The following NFIC variants were observed in gnomAD, a reference collection of about 807,000 sequenced individuals.
The protein encoded by NFIC is nuclear factor 1 C-type.
Under a neutral mutation model 54.4 loss-of-function variants are expected in NFIC, and 12 were observed. That is an observed-to-expected ratio of 0.22 (90% CI 0.14 to 0.36). The LOEUF (loss-of-function observed/expected upper bound fraction) is 0.36, where lower values mean the gene tolerates loss of function less well. NFIC is among the 10% of genes least tolerant of loss of function. The pLI, the probability that NFIC is intolerant of heterozygous loss-of-function variation, is 1.00. For synonymous variants in NFIC, 322 were observed against 319.2 expected, an observed-to-expected ratio of 1.01 and a Z score of -0.09; for missense variants, 575 against 718.2, an observed-to-expected ratio of 0.80 and a Z score of 2.28.
At position 3,469,072 on chromosome 19, in the gene NFIC, A is replaced by G. The variant is rs2082754216; in HGVS notation, c.*6303A>G. 6.6e-6 allele frequency: 1 copy of G among 151,614 alleles called. No individual in the cohort carries two copies. Among genetic ancestry groups the G allele is most frequent in the Admixed American group, 6.6e-5 (1 of 15,158 alleles). The allele number at this position is 151,614 out of a possible 1,614,324, so 9.4% of individuals were successfully genotyped here. ...TTTACAGAAAGTGACTCTGGCTGTC[A>G]TTATTTTGTTTATTTGTTCCCTATG... is the stretch of plus-strand genomic sequence containing the variant. On this transcript the variant is annotated 3_prime_UTR_variant, in exon 11 of 11. Coordinates refer to ENST00000443272, the MANE Select transcript of NFIC (RefSeq NM_001245002.2).
At chr19:3,440,700 T>C (rs1172906732) in intron 6 of NFIC, among the ~76,000 whole-genome samples, 1 of 151,496 alleles carries the variant, frequency 6.6e-6, no homozygotes, top group African/African-American at 2.4e-5. Flanking sequence ...TTTGTGTTTT[T>C]AGTAATGATG....
Position 3,463,231 on chromosome 19 carries a change from G to A in NFIC, c.*462G>A. 1.0e-6 allele frequency: 1 copy of A among 994,478 alleles called. No homozygotes were observed. The highest frequency in any genetic ancestry group is 1.2e-6 in the Non-Finnish European group (1 of 836,450). The allele number at this position is 994,478 out of a possible 1,614,324, so 61.6% of individuals were successfully genotyped here. A position where few individuals can be genotyped will look rare whatever the true frequency, so the allele number is the denominator to read the frequency against. On this transcript the variant is annotated 3_prime_UTR_variant, in exon 11 of 11. Transcript: ENST00000443272. ...AGCACAGCCTGGAGCCTGTGCCCAGGGCCGACAGGCGCGACACCCAGCAAG... is the reference window on the plus strand; with the variant it reads ...AGCACAGCCTGGAGCCTGTGCCCAGAGCCGACAGGCGCGACACCCAGCAAG...
chr19:3,366,743 A>C (rs2080894344), intron 1 of NFIC, 77 bp downstream of exon 1: 7 of 1,086,132 alleles, frequency 6.4e-6, no homozygotes, highest in African/African-American at 1.7e-5. Flanking sequence ...AAGCAGGAGG[A>C]GGCGGGACGA....
rs183281310 is a variant in NFIC, at chr19:3,379,428, C to T, written c.31-2284C>T. Among the ~76,000 whole-genome samples the T allele has an allele frequency of 7.9e-5, 12 of 151,574 alleles. No homozygotes were observed. In the East Asian group the frequency reaches 1.9e-3, roughly 25 times the overall value. On this transcript the variant is annotated intron_variant, in intron 1 of 10. Transcript: ENST00000443272. ...GGAATGTAGTGGCGAGCTCTCGGCT[C>T]ACTGCAACCTCTGCCTCCTGGGTTC...
At chr19:3,365,562 A>C (rs1203014099), upstream of NFIC, among the ~76,000 whole-genome samples, 1 of 152,162 alleles carries the variant, frequency 6.6e-6, no homozygotes, top group Non-Finnish European at 1.5e-5. Context: ...TTACGTCTAG[A>C]AGGAGAACAG....
chr19:3,419,812 A>C (rs2081925214), intron 2 of NFIC, among the ~76,000 whole-genome samples: 1 of 151,824 alleles, frequency 6.6e-6, no homozygotes, highest in Non-Finnish European at 1.5e-5. Context: ...AAAAAAAAAA[A>C]ATTTAATTTA....
chr19:3,439,227 TG>T (rs1426882719), intron 6 of NFIC, among the ~76,000 whole-genome samples: 1 of 148,968 alleles, frequency 6.7e-6, no homozygotes, highest in Non-Finnish European at 1.5e-5. Context: ...CCCAGCTCCT[TG>T]GGAGGCTGAG....
At chr19:3,417,177 G>A (rs1031657371) in intron 2 of NFIC, among the ~76,000 whole-genome samples, 15 of 152,126 alleles carry the variant, frequency 9.9e-5, no homozygotes, top group South Asian at 6.2e-4. Flanking sequence ...GTGCCACCAC[G>A]CCTGGCCTAA....
At chr19:3,416,050 C>G (rs559971424) in intron 2 of NFIC, among the ~76,000 whole-genome samples, 1 of 151,588 alleles carries the variant, frequency 6.6e-6, no homozygotes, top group South Asian at 2.1e-4. Context: ...GTAGCCCCGG[C>G]TACTTGGGAA....
chr19:3,378,368 T>A (rs1003639730), intron 1 of NFIC, among the ~76,000 whole-genome samples: 4 of 152,068 alleles, frequency 2.6e-5, no homozygotes, highest in Admixed American at 6.5e-5. Flanking sequence ...AGTTCTGGGA[T>A]TACAGGCGTT....
Position 3,452,447 on chromosome 19 carries a change from C to A in NFIC, c.1085-35C>A. ...GGTCACAGAGCAGACCGGCTGGAGCCCCCAAGTAACCCCCGCTTCCCACTG... is the reference window on the plus strand; with the variant it reads ...GGTCACAGAGCAGACCGGCTGGAGCACCCAAGTAACCCCCGCTTCCCACTG... On this transcript the variant is annotated intron_variant, in intron 7 of 10. Coordinates refer to ENST00000443272, the MANE Select transcript of NFIC (RefSeq NM_001245002.2). The surrounding 1 kb of genome is among the most constrained non-coding windows in gnomAD (Gnocchi z 5.3). 1.2e-6 allele frequency: 2 copies of A among 1,605,808 alleles called. No homozygotes were observed. The highest frequency in any genetic ancestry group is 1.7e-6 in the Non-Finnish European group (2 of 1,178,600).
intron 2 of NFIC, among the ~76,000 whole-genome samples, chr19:3,399,527 G>A (rs1413279941): frequency 1.3e-5 from 2 of 151,942 alleles, no homozygotes; most frequent in African/African-American, 4.8e-5. Context: ...AGTGAGCTGT[G>A]ATTGGGCCAC....
intron 2 of NFIC, among the ~76,000 whole-genome samples, chr19:3,393,484 T>A (rs2081407823): frequency 6.6e-6 from 1 of 152,060 alleles, no homozygotes; most frequent in African/African-American, 2.4e-5. Context: ...GATTCTAGAA[T>A]TCTCCTAGGT....
At chr19:3,461,472 C>T (rs1422290439) in intron 10 of NFIC, among the ~76,000 whole-genome samples, 3 of 151,166 alleles carry the variant, frequency 2.0e-5, no homozygotes, top group Non-Finnish European at 4.4e-5. Flanking sequence ...CCTGTAATCC[C>T]AGCACTTTGG....
In NFIC at chr19:3,406,985, C is replaced by A. The variant is rs544686354; in HGVS notation, c.563-18121C>A. On this transcript the variant is annotated intron_variant, in intron 2 of 10. Coordinates refer to ENST00000443272, the MANE Select transcript of NFIC (RefSeq NM_001245002.2). ...AGCCAGGAGGCCTGTGTGGCTGGAG[C>A]AGAGTGAGCGAGGGGGAGAGAGGGA... Among the ~76,000 whole-genome samples the A allele has an allele frequency of 2.4e-5, 3 of 126,976 alleles. No individual in the cohort carries two copies. In the East Asian group the frequency reaches 6.4e-4, roughly 27 times the overall value. 83.3% of individuals were successfully genotyped at this position (126,976 alleles called of 152,430 possible).
chr19:3,376,801 T>C (rs2081116561), intron 1 of NFIC, among the ~76,000 whole-genome samples: 1 of 152,080 alleles, frequency 6.6e-6, no homozygotes, highest in Admixed American at 6.5e-5. Flanking sequence ...CGACCTTGGC[T>C]CACTGCAACC....
In NFIC at chr19:3,370,623, T is replaced by A. The variant is rs2080986418; in HGVS notation, c.30+3957T>A. On this transcript the variant is annotated intron_variant, in intron 1 of 10. Transcript: ENST00000443272. The surrounding 1 kb of genome is among the most constrained non-coding windows in gnomAD (Gnocchi z 5.2). ...TCTCTCCCCGTCTCCCTTCTCTCCC[T>A]CTCTCCTTCTCTCTTCTCTCTCTCT... 6.7e-6 allele frequency among the ~76,000 whole-genome samples: 1 copy of A among 149,696 alleles called. No homozygotes were observed. Among genetic ancestry groups the A allele is most frequent in the Admixed American group, 6.7e-5 (1 of 15,022 alleles).
chr19:3,461,923 A>G (rs1041232893), intron 10 of NFIC, among the ~76,000 whole-genome samples: 2 of 150,486 alleles, frequency 1.3e-5, no homozygotes, highest in Non-Finnish European at 3.0e-5. Context: ...GTGTGGTGGC[A>G]TGCGCCTGTA....
chr19:3,418,181 C>T (rs190418191), intron 2 of NFIC, among the ~76,000 whole-genome samples: 2 of 151,550 alleles, frequency 1.3e-5, no homozygotes, highest in African/African-American at 4.8e-5. Context: ...TCACTGCAAC[C>T]TCCACCTCCC....
Sources: gnomAD v4.1 joint callset for allele counts (sites outside exome capture counted in the v4.1 genomes callset) on GRCh38, gnomAD v4.1.1 for gene constraint, Gnocchi (gnomAD v3.1) non-coding constraint, MANE v1.5 for transcripts, NCBI Gene and HGNC (gene_info 2026-07-23, HGNC 2026-07-21) for gene names.